Variants in PBLD observed in about 807,000 individuals in gnomAD.
PBLD encodes the protein phenazine biosynthesis like protein domain containing.
Under a neutral mutation model 31.3 loss-of-function variants are expected in PBLD, and 26 were observed. The observed-to-expected ratio is 0.83, with a 90% confidence interval of 0.61 to 1.15. PBLD has a LOEUF of 1.15. Ranked by LOEUF, PBLD falls within the 50% of genes most tolerant of loss-of-function variation. The pLI, the probability that PBLD is intolerant of heterozygous loss-of-function variation, is 0.00. For synonymous variants in PBLD, 114 were observed against 129.0 expected (o/e 0.88, Z 0.79); for missense variants, 307 against 351.7 (o/e 0.87, Z 1.02).
intron 9 of PBLD, among the ~76,000 whole-genome samples, chr10:68,284,715 G>A (rs1174531209): frequency 6.6e-6 from 1 of 152,194 alleles, no homozygotes; most frequent in African/African-American, 2.4e-5. Context: ...GCTCTGAATA[G>A]GACAGAGGGA....
chr10:68,296,829 A>G, intron 3 of PBLD, 57 bp downstream of exon 3: 1 of 1,423,062 alleles, frequency 7.0e-7, no homozygotes, highest in South Asian at 1.2e-5. Flanking sequence ...AGATCATGCC[A>G]CTGCACTCCA....
At chr10:68,319,097 A>AAG (rs765017321) in intron 1 of PBLD, among the ~76,000 whole-genome samples, 10 of 134,964 alleles carry the variant, frequency 7.4e-5, no homozygotes, top group African/African-American at 3.0e-4. Context: ...GAAAGAAAGA[A>AAG]AGAAAGAAAG....
chr10:68,295,148 T>C (rs976131541), intron 4 of PBLD, among the ~76,000 whole-genome samples: 1 of 152,104 alleles, frequency 6.6e-6, no homozygotes, highest in African/African-American at 2.4e-5. Flanking sequence ...CAACTCCTTT[T>C]AAGGTGAATG....
In PBLD at chr10:68,319,073, A is replaced by AAGAAAG. The variant is rs760192599; in HGVS notation, c.-59-12176_-59-12171dup. On this transcript the variant is annotated intron_variant, in intron 1 of 9. Transcript: ENST00000358769. ...AGAGAGAGAAAGAAAGAAAGAAAGAAAGAAAGAAAGAAAGAAAGAAAGAAA... is the reference window on the plus strand; with the variant it reads ...AGAGAGAGAAAGAAAGAAAGAAAGAAAGAAAGAGAAAGAAAGAAAGAAAGAAAGAAA... Among the ~76,000 whole-genome samples the AAGAAAG allele has an allele frequency of 7.8e-5, 10 of 128,100 alleles. No individual in the cohort carries two copies. In the East Asian group the frequency reaches 2.5e-3, roughly 32 times the overall value. 84.0% of individuals were successfully genotyped at this position (128,100 alleles called of 152,430 possible). A position where few individuals can be genotyped will look rare whatever the true frequency, so the allele number is the denominator to read the frequency against.
intron 1 of PBLD, among the ~76,000 whole-genome samples, chr10:68,323,697 A>G (rs2044870426): frequency 6.6e-6 from 1 of 152,262 alleles, no homozygotes; most frequent in Admixed American, 6.5e-5. Context: ...TTACACAGCA[A>G]TAATAACTAA....
intron 1 of PBLD, among the ~76,000 whole-genome samples, chr10:68,308,845 G>GGTGTGTGTGTGTGTGTGTGTGT (rs374363010): frequency 3.5e-4 from 46 of 130,418 alleles, no homozygotes; most frequent in African/African-American, 7.4e-4. Flanking sequence ...TGACCTGCAT[G>GGTGTGTGTGTGTGTGTGTGTGT]GTGTGTGTGT....
chr10:68,304,740 G>C (rs2044553327), intron 2 of PBLD, among the ~76,000 whole-genome samples: 1 of 152,126 alleles, frequency 6.6e-6, no homozygotes, highest in Non-Finnish European at 1.5e-5. Flanking sequence ...ACTCTTCAAG[G>C]ATATTACATG....
chr10:68,286,873 G>GTGGTGGCTCCACGCCCATAA (rs71009035), intron 8 of PBLD, among the ~76,000 whole-genome samples: 112,771 of 151,578 alleles, frequency 0.74, 42,744 homozygotes, highest in Middle Eastern at 0.84. Flanking sequence ...TGGGGTGGGC[G>GTGGTGGCTCCACGCCCATAA]TCCCAGCACT....
chr10:68,322,388 C>T (rs952381268), intron 1 of PBLD, among the ~76,000 whole-genome samples: 11 of 151,680 alleles, frequency 7.3e-5, no homozygotes, highest in East Asian at 5.8e-4. Context: ...GAGCTAGGCA[C>T]GGTGGCTCAC....
intron 6 of PBLD, 150 bp downstream of exon 6, chr10:68,291,860 C>T: frequency 1.1e-6 from 1 of 903,932 alleles, no homozygotes; most frequent in Non-Finnish European, 1.7e-6. Flanking sequence ...TCAACCTTCT[C>T]ACCAAATAGA....
At chr10:68,288,290 T>G in intron 8 of PBLD, 193 bp downstream of exon 8, 2 of 617,824 alleles carry the variant, frequency 3.2e-6, no homozygotes, top group Non-Finnish European at 5.4e-6. Flanking sequence ...TTTAACCCTG[T>G]TATCCACCTG....
At chr10:68,305,805 G>A (rs2044569896) in intron 2 of PBLD, among the ~76,000 whole-genome samples, 1 of 152,026 alleles carries the variant, frequency 6.6e-6, no homozygotes, top group African/African-American at 2.4e-5. Context: ...CTCCCAGAGA[G>A]CCTGTTGTAA....
At chr10:68,297,525 G>C (rs2044446098) in intron 2 of PBLD, among the ~76,000 whole-genome samples, 1 of 152,110 alleles carries the variant, frequency 6.6e-6, no homozygotes, top group Non-Finnish European at 1.5e-5. Flanking sequence ...AAATTGCCTG[G>C]TGTGCCCTTT....
At position 68,284,266 on chromosome 10, in the gene PBLD, C is replaced by T. The variant is rs747120154; in HGVS notation, c.778G>A (p.Gly260Arg). 9.3e-6 allele frequency: 15 copies of T among 1,613,914 alleles called. No individual in the cohort carries two copies. Among genetic ancestry groups the T allele is most frequent in the Non-Finnish European group, 1.3e-5 (15 of 1,179,926 alleles). ...GGACGAAGGGAAATTCCCAGCTCTC[C>T]TCCTCGGTGGGAACACTGAAAAGCT... ...MHAFQCSHRGGELGISLRPDG... is the reference protein window; with the variant it reads ...MHAFQCSHRGRELGISLRPDG... The change falls in exon 10 of 10, where the codon GGA becomes AGA. Residue 260 changes from glycine to arginine, a missense_variant. Coordinates refer to ENST00000358769, the MANE Select transcript of PBLD (RefSeq NM_022129.4).
intron 1 of PBLD, among the ~76,000 whole-genome samples, chr10:68,316,782 G>A (rs1298546833): frequency 6.6e-6 from 1 of 152,158 alleles, no homozygotes; most frequent in African/African-American, 2.4e-5. Context: ...GGAGGCTGAG[G>A]AGGGCAGATT....
In PBLD at chr10:68,308,845, G is replaced by GGTGTGTGTGTGTGTGTGTGTGTGTGT. The variant is rs374363010; in HGVS notation, c.-59-1968_-59-1943dup. Among the ~76,000 whole-genome samples the GGTGTGTGTGTGTGTGTGTGTGTGTGT allele has an allele frequency of 2.8e-4, 36 of 130,424 alleles. 1 individual carries two copies. Among genetic ancestry groups the GGTGTGTGTGTGTGTGTGTGTGTGTGT allele is most frequent in the African/African-American group, 3.4e-4 (12 of 35,162 alleles). 85.6% of individuals were successfully genotyped at this position (130,424 alleles called of 152,430 possible). On this transcript the variant is annotated intron_variant, in intron 1 of 9. Coordinates refer to ENST00000358769, the MANE Select transcript of PBLD (RefSeq NM_022129.4). The stretch of plus-strand genomic sequence containing the variant: ...GTGCCCCACTGCACCTGACCTGCAT[G>GGTGTGTGTGTGTGTGTGTGTGTGTGT]GTGTGTGTGTGTGTGTGTGTGTGTG...
rs2044588532 is a variant in PBLD at position 68,306,905 on chromosome 10, T to C, written c.-59-2A>G. ...TGCTGGTAGCCTGCTTTACGTCTTC[T>C]TCTTGGAAAAGGAAATCAAAAAGTT... On this transcript the variant is annotated splice_acceptor_variant, in intron 1 of 9. Transcript: ENST00000358769. LOFTEE classifies it low-confidence loss of function (5UTR_SPLICE). 1 of 1,330,066 alleles carries C rather than the reference T, an allele frequency of 7.5e-7. No homozygotes were observed. The highest frequency in any genetic ancestry group is 1.3e-5 in the South Asian group (1 of 79,526). 82.4% of individuals were successfully genotyped at this position (1,330,066 alleles called of 1,614,324 possible).
intron 4 of PBLD, among the ~76,000 whole-genome samples, chr10:68,292,794 G>A (rs2044376999): frequency 6.6e-6 from 1 of 152,080 alleles, no homozygotes; most frequent in Non-Finnish European, 1.5e-5. Context: ...ACAGGCGTGA[G>A]CCACCACACC....
At chr10:68,330,259 T>C (rs901515503) in intron 1 of PBLD, among the ~76,000 whole-genome samples, 1 of 152,068 alleles carries the variant, frequency 6.6e-6, no homozygotes, top group Non-Finnish European at 1.5e-5. Flanking sequence ...AATTAAAGCT[T>C]TGAAATGAAG....
Sources: allele counts gnomAD v4.1 joint callset (sites outside exome capture counted in the v4.1 genomes callset), GRCh38; gene constraint gnomAD v4.1.1; transcripts MANE v1.5; gene names NCBI Gene and HGNC (gene_info 2026-07-23, HGNC 2026-07-21).